Variants in FAHD1 observed in about 807,000 individuals in gnomAD.
FAHD1 encodes the protein FAH domain containing oxaloacetate decarboxylase 1.
A neutral mutation model predicts 12.7 loss-of-function variants in FAHD1; 14 were observed. That is an observed-to-expected ratio of 1.10 (90% CI 0.73 to 1.72). FAHD1 has a LOEUF of 1.72. Among genes scored for constraint, FAHD1 ranks in the 40% most tolerant of loss-of-function variants. The pLI is 0.00. For missense variants in FAHD1, 351 were observed against 298.9 expected, an observed-to-expected ratio of 1.17 and a Z score of -1.29; for synonymous variants, 153 against 124.9, an observed-to-expected ratio of 1.22 and a Z score of -1.50.
At chr16:1,830,917 T>TACACACACACACAC (rs1555470124), downstream of FAHD1, among the ~76,000 whole-genome samples, 6,267 of 114,728 alleles carry the variant, frequency 0.055, 188 homozygotes, top group East Asian at 0.13. Context: ...TCTCTCTCTA[T>TACACACACACACAC]ACACACACAC....
chr16:1,832,881 C>T (rs567699215), downstream of FAHD1, among the ~76,000 whole-genome samples: 4 of 152,304 alleles, frequency 2.6e-5, no homozygotes, highest in Admixed American at 1.3e-4. Flanking sequence ...TCGTTCATTA[C>T]CTTATCACCA....
At chr16:1,839,271 T>C in exon 3 of FAHD1, 1 of 1,608,962 alleles carries the variant, frequency 6.2e-7, no homozygotes, top group South Asian at 1.1e-5. Flanking sequence ...GCCCAAAGTC[T>C]CCTCAGCAAC....
chr16:1,830,627 G>A (rs947469713), downstream of FAHD1, among the ~76,000 whole-genome samples: 7 of 152,116 alleles, frequency 4.6e-5, no homozygotes, highest in African/African-American at 1.7e-4. Context: ...GCAGGTGTAG[G>A]CACACAAAGT....
downstream of FAHD1, among the ~76,000 whole-genome samples, chr16:1,830,944 A>ACACACACACACACACCCCCCCACCCACC (rs57025691): frequency 6.8e-6 from 1 of 147,206 alleles, no homozygotes; most frequent in Non-Finnish European, 1.5e-5. Context: ...ACACACACAC[A>ACACACACACACACACCCCCCCACCCACC]CCCATATTTT....
chr16:1,828,934 T>TC (rs1898571012), downstream of FAHD1: 1 of 999,164 alleles, frequency 1.0e-6, no homozygotes, highest in Non-Finnish European at 1.2e-6. Context: ...GTAATTTTTT[T>TC]CCCCCCAGTA....
downstream of FAHD1, among the ~76,000 whole-genome samples, chr16:1,832,905 TA>T (rs1285633334): frequency 6.6e-6 from 1 of 152,174 alleles, no homozygotes; most frequent in Non-Finnish European, 1.5e-5. Context: ...TTTGGACACT[TA>T]GGGGTGAACC....
At chr16:1,829,062 A>G, downstream of FAHD1, 1 of 364,180 alleles carries the variant, frequency 2.7e-6, no homozygotes, top group Non-Finnish European at 3.9e-6. Flanking sequence ...TCCCAACCGG[A>G]GATAAGGAGG....
chr16:1,839,752 C>CA (rs1411548313), exon 3 of FAHD1: 1 of 269,438 alleles, frequency 3.7e-6, no homozygotes, highest in Non-Finnish European at 7.1e-6. Context: ...TCCCAGCCTG[C>CA]AGCCTTTCTC....
chr16:1,827,602 T>C lies in FAHD1; in HGVS notation c.364T>C (p.Phe122Leu), dbSNP rs757825291. 3 of 1,613,804 alleles carry C rather than the reference T, an allele frequency of 1.9e-6. No individual in the cohort carries two copies. Among genetic ancestry groups the C allele is most frequent in the East Asian group, 4.5e-5 (2 of 44,884 alleles). Residue 122 changes from phenylalanine (F) to leucine (L), a missense_variant, in exon 1 of 1, where the codon TTC becomes CTC. Transcript: ENST00000427358. ...GCTGCCCTGGACTCTGGCGAAGAGC[T>C]TCACGGCGTCCTGCCCGGTCAGCGC...
chr16:1,834,415 C>A, intron 1 of FAHD1: 1 of 980,162 alleles, frequency 1.0e-6, no homozygotes, highest in South Asian at 1.4e-5. Flanking sequence ...TTTAAAATCC[C>A]CTTGTATATC....
At chr16:1,834,948 C>CTG (rs1898701355) in intron 1 of FAHD1, among the ~76,000 whole-genome samples, 1 of 144,114 alleles carries the variant, frequency 6.9e-6, no homozygotes, top group South Asian at 2.3e-4. Context: ...CCACCCCCCC[C>CTG]CACTAAAAAA....
intron 1 of FAHD1, chr16:1,834,460 G>A: frequency 3.0e-6 from 2 of 658,888 alleles, no homozygotes; most frequent in Non-Finnish European, 5.4e-6. Context: ...ATAGAGAACT[G>A]CAATGAAAGT....
chr16:1,838,132 C>G (rs1567271972), exon 2 of FAHD1: 1 of 578,142 alleles, frequency 1.7e-6, no homozygotes. Flanking sequence ...TCTGAGGTTA[C>G]AGGTATGCAC....
At chr16:1,836,922 A>T (rs1335383748) in intron 1 of FAHD1, among the ~76,000 whole-genome samples, 1 of 152,232 alleles carries the variant, frequency 6.6e-6, no homozygotes, top group Non-Finnish European at 1.5e-5. Flanking sequence ...AAACGGGAGC[A>T]CATTAACTTG....
At chr16:1,834,055 G>A (rs1898673822) in intron 1 of FAHD1, 1 of 472,936 alleles carries the variant, frequency 2.1e-6, no homozygotes, top group African/African-American at 2.0e-5. Flanking sequence ...GGCAAAGACA[G>A]TAGGAGGCCT....
At chr16:1,837,791 TAA>T (rs1206402990) in intron 1 of FAHD1, 1 of 1,505,326 alleles carries the variant, frequency 6.6e-7, no homozygotes, top group Non-Finnish European at 9.0e-7. Context: ...AACTTTTAAA[TAA>T]ATTTTGCTTC....
exon 1 of FAHD1, chr16:1,828,800 G>T (rs1065589): frequency 0.16 from 158,471 of 993,336 alleles, 13,265 homozygotes; most frequent in South Asian, 0.27. Flanking sequence ...AAGTGAACAA[G>T]TAATGAAGAT....
exon 1 of FAHD1, chr16:1,828,572 C>T (rs1032395520): frequency 2.0e-6 from 2 of 1,000,052 alleles, no homozygotes; most frequent in Non-Finnish European, 1.2e-6. Context: ...GATAACTTTC[C>T]GTTGTTTACC....
At chr16:1,833,747 G>C (rs984063876), downstream of FAHD1, among the ~76,000 whole-genome samples, 1 of 151,730 alleles carries the variant, frequency 6.6e-6, no homozygotes, top group African/African-American at 2.4e-5. Context: ...ATTTTTAGTA[G>C]AGATGGGGTT....
Sources: allele counts gnomAD v4.1 joint callset (sites outside exome capture counted in the v4.1 genomes callset), GRCh38; gene constraint gnomAD v4.1.1; transcripts MANE v1.5; gene names NCBI Gene and HGNC (gene_info 2026-07-23, HGNC 2026-07-21).